The following NSD1 variants were observed in gnomAD, a reference collection of about 807,000 sequenced individuals.
NSD1 encodes the protein nuclear receptor binding SET domain protein 1.
In NSD1, 26 loss-of-function variants were observed where a neutral mutation model predicts 242.7. That is an observed-to-expected ratio of 0.11 (90% CI 0.08 to 0.15). NSD1 has a LOEUF of 0.15. Ranked by LOEUF, NSD1 falls within the 10% of genes least tolerant of loss-of-function variation. The pLI is 1.00. For missense variants in NSD1, 2,495 were observed against 3,272.8 expected, an observed-to-expected ratio of 0.76 and a Z score of 5.80; for synonymous variants, 1,106 against 1,178.1, an observed-to-expected ratio of 0.94 and a Z score of 1.25.
In NSD1 at chr5:177,297,378, A is replaced by G. The variant is rs558620922; in HGVS notation, c.*1919A>G. On this transcript the variant is annotated 3_prime_UTR_variant, in exon 23 of 23. Coordinates refer to ENST00000439151, the MANE Select transcript of NSD1 (RefSeq NM_022455.5). Reference sequence around the variant, plus strand: ...AAGAATTTTAAACCATGAAAAAGATATTTTTAAAGAAATTCACCGAGAACA... The same window carrying G: ...AAGAATTTTAAACCATGAAAAAGATGTTTTTAAAGAAATTCACCGAGAACA... 6 of 230,114 alleles carry G rather than the reference A, an allele frequency of 2.6e-5. No individual in the cohort carries two copies. Among genetic ancestry groups the G allele is most frequent in the African/African-American group, 4.4e-5 (2 of 45,260 alleles). The allele number at this position is 230,114 out of a possible 1,614,324, so 14.3% of individuals were successfully genotyped here. A position where few individuals can be genotyped will look rare whatever the true frequency, so the allele number is the denominator to read the frequency against.
At chr5:177,217,495 T>A (rs1003487304) in intron 5 of NSD1, among the ~76,000 whole-genome samples, 9 of 152,126 alleles carry the variant, frequency 5.9e-5, no homozygotes, top group African/African-American at 2.2e-4. Context: ...TCAAATAATG[T>A]GTTGAATAGG....
intron 5 of NSD1, among the ~76,000 whole-genome samples, chr5:177,229,098 C>A (rs990545048): frequency 1.2e-4 from 18 of 152,010 alleles, no homozygotes; most frequent in African/African-American, 3.6e-4. Context: ...AAAAAACTTA[C>A]CATCTGTAAT....
intron 15 of NSD1, among the ~76,000 whole-genome samples, chr5:177,268,417 T>G (rs540909925): frequency 6.6e-6 from 1 of 151,922 alleles, no homozygotes; most frequent in African/African-American, 2.4e-5. Flanking sequence ...ACATGGCACA[T>G]GTATACATAT....
intron 17 of NSD1, among the ~76,000 whole-genome samples, chr5:177,275,658 C>A (rs1758322594): frequency 6.6e-6 from 1 of 152,018 alleles, no homozygotes; most frequent in East Asian, 1.9e-4. Flanking sequence ...TGGTCTCGAT[C>A]TCCTGACCTC....
upstream of NSD1, chr5:177,133,112 G>C (rs1236216338): frequency 2.0e-5 from 3 of 152,840 alleles, no homozygotes; most frequent in East Asian, 5.8e-4. This position sits in a 1 kb window ranked among gnomAD's most constrained non-coding sequence, Gnocchi z 6.2. Context: ...GGCCGCGTCT[G>C]CTCGGGGCCT....
chr5:177,276,995 C>G (rs1758445351), intron 17 of NSD1, among the ~76,000 whole-genome samples: 1 of 152,112 alleles, frequency 6.6e-6, no homozygotes. Flanking sequence ...TAATTCTATT[C>G]ACATAGTCCT....
rs374037860 is a variant in NSD1, at chr5:177,173,653, A to G, written c.928-18231A>G. Among the ~76,000 whole-genome samples, 17 of 151,960 alleles carry G rather than the reference A, an allele frequency of 1.1e-4. No individual in the cohort carries two copies. The East Asian group carries it at 2.1e-3, about 19-fold the overall frequency. On this transcript the variant is annotated intron_variant, in intron 2 of 22. Transcript: ENST00000439151. ...CACACCCAGCTAATTTTGTATTTTT[A>G]GTAGAGACGGGATTTCCCCATGTTG... is the stretch of plus-strand genomic sequence containing the variant.
intron 5 of NSD1, among the ~76,000 whole-genome samples, chr5:177,223,946 A>T (rs909030703): frequency 6.6e-6 from 1 of 152,216 alleles, no homozygotes; most frequent in East Asian, 1.9e-4. Flanking sequence ...AGATCATGCC[A>T]CTGCACTCCA....
At chr5:177,152,331 A>G (rs915653316) in intron 2 of NSD1, among the ~76,000 whole-genome samples, 13 of 148,230 alleles carry the variant, frequency 8.8e-5, no homozygotes, top group African/African-American at 3.1e-4. Flanking sequence ...GTATGTATGT[A>G]TGTATGTATG....
chr5:177,185,194 G>T (rs769786207), intron 2 of NSD1, among the ~76,000 whole-genome samples: 6 of 152,142 alleles, frequency 3.9e-5, no homozygotes, highest in Non-Finnish European at 8.8e-5. Flanking sequence ...GTGGCTGGGT[G>T]CAGTGGCTCA....
At chr5:177,280,479 C>T in intron 17 of NSD1, 86 bp from the exon 18 acceptor site, 2 of 1,518,620 alleles carry the variant, frequency 1.3e-6, no homozygotes, top group Admixed American at 3.3e-5. Context: ...GCTGCAACTT[C>T]AAGGAAAAAA....
At position 177,238,186 on chromosome 5, in the gene NSD1, A is replaced by C; in HGVS notation, c.3922-51A>C. 2.5e-6 allele frequency: 4 copies of C among 1,603,032 alleles called. No individual in the cohort carries two copies. The highest frequency in any genetic ancestry group is 3.4e-6 in the Non-Finnish European group (4 of 1,170,296). On this transcript the variant is annotated intron_variant, in intron 6 of 22. Coordinates refer to ENST00000439151, the MANE Select transcript of NSD1 (RefSeq NM_022455.5). This position sits in a 1 kb window ranked among gnomAD's most constrained non-coding sequence, Gnocchi z 4.6. ...AAGTGTGTTATTCTTTTTGACACTT[A>C]AATTACAACAATTTTGGCCTGTGGA... is the stretch of plus-strand genomic sequence containing the variant.
At chr5:177,181,478 C>T (rs372993716) in intron 2 of NSD1, among the ~76,000 whole-genome samples, 11 of 125,282 alleles carry the variant, frequency 8.8e-5, no homozygotes, top group African/African-American at 3.3e-4. Flanking sequence ...CAGGCTGGAG[C>T]GCATTGGCAC....
chr5:177,199,125 C>G (rs969763384), intron 3 of NSD1, among the ~76,000 whole-genome samples: 1 of 152,208 alleles, frequency 6.6e-6, no homozygotes, highest in East Asian at 1.9e-4. Context: ...ATGTAGTATT[C>G]AGTAAATTAC....
chr5:177,249,636 G>A (rs1391159753), intron 11 of NSD1, among the ~76,000 whole-genome samples: 4 of 152,002 alleles, frequency 2.6e-5, no homozygotes, highest in Admixed American at 6.6e-5. Context: ...ATAGGCACCC[G>A]CCACCATGTC....
At position 177,273,669 on chromosome 5, in the gene NSD1, T is replaced by C. The variant is rs993152398; in HGVS notation, c.5510-3T>C. On this transcript the variant is annotated splice_region_variant and splice_polypyrimidine_tract_variant and intron_variant, in intron 16 of 22. Transcript: ENST00000439151. ...AAGTGACTTGTGCTGTCTGTTTTCA[T>C]AGCTCTTCAGGAAGCTGCAGCAAGG... The C allele has an allele frequency of 6.2e-7, 1 of 1,606,438 alleles. No homozygotes were observed. Among genetic ancestry groups the C allele is most frequent in the Admixed American group, 1.7e-5 (1 of 59,972 alleles).
intron 14 of NSD1, chr5:177,265,563 C>G: frequency 9.3e-7 from 1 of 1,075,874 alleles, no homozygotes; most frequent in Non-Finnish European, 1.4e-6. Context: ...GGCGGGAGAG[C>G]CGGGCCTCAG....
Position 177,266,213 on chromosome 5 carries a change from A to G in NSD1, c.5147-1349A>G, listed in dbSNP as rs963546869. 12 of 915,040 alleles carry G rather than the reference A, an allele frequency of 1.3e-5. No individual in the cohort carries two copies. In the African/African-American group the frequency reaches 1.9e-4, roughly 15 times the overall value. The allele number at this position is 915,040 out of a possible 1,614,324, so 56.7% of individuals were successfully genotyped here. ...AGGCAGTTAGCCCATCCACTTGCTG[A>G]TGATGATGTTCACCTTTTCCACCGG... On this transcript the variant is annotated intron_variant, in intron 14 of 22. Coordinates refer to ENST00000439151, the MANE Select transcript of NSD1 (RefSeq NM_022455.5).
At chr5:177,288,965 C>A in intron 21 of NSD1, 40 bp downstream of exon 21, 2 of 1,367,824 alleles carry the variant, frequency 1.5e-6, no homozygotes, top group Non-Finnish European at 2.1e-6. Context: ...ATTAGTGGTG[C>A]GGTCCTCCCT....
Sources: gnomAD v4.1 joint callset for allele counts (sites outside exome capture counted in the v4.1 genomes callset) on GRCh38, gnomAD v4.1.1 for gene constraint, Gnocchi (gnomAD v3.1) non-coding constraint, MANE v1.5 for transcripts, NCBI Gene and HGNC (gene_info 2026-07-23, HGNC 2026-07-21) for gene names.